The following CCDC171 variants were observed in gnomAD, a reference collection of about 807,000 sequenced individuals.
CCDC171 encodes coiled-coil domain containing 171.
In CCDC171, 177 loss-of-function variants were observed where a neutral mutation model predicts 168.2. That is an observed-to-expected ratio of 1.05 (90% CI 0.93 to 1.19). The LOEUF (loss-of-function observed/expected upper bound fraction) is 1.19, where lower values mean the gene tolerates loss of function less well. Among genes scored for constraint, CCDC171 ranks in the 50% most tolerant of loss-of-function variants. The pLI is 0.00. For missense variants in CCDC171, 1,991 were observed against 1,539.0 expected (o/e 1.29, Z -4.91); for synonymous variants, 687 against 540.8 (o/e 1.27, Z -3.75).
chr9:15,983,570 C>G (rs1311949956), intron 3 of CCDC171, among the ~76,000 whole-genome samples: 1 of 146,386 alleles, frequency 6.8e-6, no homozygotes, highest in Admixed American at 7.0e-5. Context: ...CTAGTAGGTT[C>G]TTAGCACCTT....
intron 3 of CCDC171, among the ~76,000 whole-genome samples, chr9:15,980,197 C>T (rs1831748803): frequency 6.6e-6 from 1 of 152,086 alleles, no homozygotes; most frequent in Non-Finnish European, 1.5e-5. Flanking sequence ...AGGATTTTGA[C>T]TTTACCTTTG....
At chr9:15,758,741 C>T (rs1028741777) in intron 18 of CCDC171, among the ~76,000 whole-genome samples, 4 of 152,096 alleles carry the variant, frequency 2.6e-5, no homozygotes, top group Non-Finnish European at 5.9e-5. Context: ...GTTAGTTTCC[C>T]TCTTACTGTT....
intron 18 of CCDC171, among the ~76,000 whole-genome samples, chr9:15,760,418 T>A (rs1341928600): frequency 6.6e-6 from 1 of 152,182 alleles, no homozygotes; most frequent in Non-Finnish European, 1.5e-5. Flanking sequence ...GGATATACAT[T>A]AAAGTATTGG....
the CCDC171 span, among the ~76,000 whole-genome samples, chr9:16,081,172 C>T: frequency 1.3e-5 from 2 of 152,198 alleles, no homozygotes; most frequent in African/African-American, 4.8e-5. Context: ...CTAACATGGA[C>T]ATTGTCAGTT....
intron 21 of CCDC171, among the ~76,000 whole-genome samples, chr9:15,828,890 T>G (rs1368165952): frequency 2.6e-5 from 4 of 152,194 alleles, no homozygotes; most frequent in Non-Finnish European, 4.4e-5. Context: ...TTTTGTATCT[T>G]TAGTTCATAA....
intron 11 of CCDC171, among the ~76,000 whole-genome samples, chr9:15,699,736 G>C (rs1338314079): frequency 6.6e-6 from 1 of 152,146 alleles, no homozygotes; most frequent in East Asian, 1.9e-4. Context: ...TAGATACAGA[G>C]TGCCGATTGG....
chr9:15,794,041 A>G (rs1016073295), intron 21 of CCDC171, among the ~76,000 whole-genome samples: 2 of 148,496 alleles, frequency 1.3e-5, no homozygotes, highest in African/African-American at 2.5e-5. Context: ...GAGGTGTGGT[A>G]GGCATCCTTA....
intron 1 of CCDC171, among the ~76,000 whole-genome samples, chr9:16,048,070 A>G (rs1002511769): frequency 2.0e-5 from 3 of 152,222 alleles, no homozygotes; most frequent in African/African-American, 7.2e-5. Flanking sequence ...GGAAATGCAC[A>G]GGCAGAGGAA....
At chr9:16,070,928 C>T in the CCDC171 span, among the ~76,000 whole-genome samples, 1 of 152,128 alleles carries the variant, frequency 6.6e-6, no homozygotes. Flanking sequence ...GGCTTGTGAC[C>T]CAGGCCTGAC....
At chr9:15,720,502 G>A (rs571597251) in intron 11 of CCDC171, among the ~76,000 whole-genome samples, 2 of 152,242 alleles carry the variant, frequency 1.3e-5, no homozygotes, top group South Asian at 4.1e-4. Context: ...CGTATAATAT[G>A]AATGCTGCTC....
At chr9:15,644,832 C>G (rs1397747472) in intron 7 of CCDC171, among the ~76,000 whole-genome samples, 1 of 152,208 alleles carries the variant, frequency 6.6e-6, no homozygotes, top group Non-Finnish European at 1.5e-5. Flanking sequence ...CATAGCCAAA[C>G]AAAAGGCAGC....
At chr9:16,092,107 T>A in the CCDC171 span, among the ~76,000 whole-genome samples, 1 of 152,222 alleles carries the variant, frequency 6.6e-6, no homozygotes, top group Non-Finnish European at 1.5e-5. Context: ...TTCTCCAGTC[T>A]TGACACAACT....
At chr9:15,943,854 A>G (rs1394971501) in intron 25 of CCDC171, among the ~76,000 whole-genome samples, 1 of 151,988 alleles carries the variant, frequency 6.6e-6, no homozygotes, top group Non-Finnish European at 1.5e-5. Context: ...ATAAATGCTC[A>G]TGGGGTTTGA....
intron 21 of CCDC171, among the ~76,000 whole-genome samples, chr9:15,824,542 C>T (rs1441337514): frequency 6.6e-6 from 1 of 151,874 alleles, no homozygotes; most frequent in East Asian, 1.9e-4. Flanking sequence ...CACATGATCT[C>T]CTGGTCTGAA....
At chr9:15,642,343 G>GTGTGTATATATATATA (rs1369419679) in intron 7 of CCDC171, among the ~76,000 whole-genome samples, 2 of 107,568 alleles carry the variant, frequency 1.9e-5, no homozygotes, top group African/African-American at 1.0e-4. Flanking sequence ...GTGTGTGTGT[G>GTGTGTATATATATATA]TATATATATA....
chr9:15,872,927 G>T (rs945823333), intron 23 of CCDC171, among the ~76,000 whole-genome samples: 1 of 151,998 alleles, frequency 6.6e-6, no homozygotes, highest in Non-Finnish European at 1.5e-5. Context: ...GATTTGTTTT[G>T]TTATGCTAAG....
At chr9:15,869,697 G>A (rs1243742906) in intron 23 of CCDC171, among the ~76,000 whole-genome samples, 1 of 151,712 alleles carries the variant, frequency 6.6e-6, no homozygotes, top group African/African-American at 2.4e-5. Context: ...GACCAGGAAA[G>A]TTAGCCGTGG....
intron 23 of CCDC171, among the ~76,000 whole-genome samples, chr9:15,863,415 G>A (rs2061643697): frequency 6.6e-6 from 1 of 151,804 alleles, no homozygotes; most frequent in Admixed American, 6.6e-5. Context: ...GAGAGTCCAG[G>A]GTTTCCTATT....
chr9:15,940,268 A>C (rs1393829843), intron 25 of CCDC171, among the ~76,000 whole-genome samples: 1 of 151,980 alleles, frequency 6.6e-6, no homozygotes, highest in Non-Finnish European at 1.5e-5. Flanking sequence ...AATATACTGA[A>C]GCATGGATTT....
Sources: gnomAD v4.1 joint callset for allele counts (sites outside exome capture counted in the v4.1 genomes callset) on GRCh38, gnomAD v4.1.1 for gene constraint, MANE v1.5 for transcripts, NCBI Gene and HGNC (gene_info 2026-07-23, HGNC 2026-07-21) for gene names.